RBFOX1: variants seen among roughly 807,000 people sequenced by gnomAD.
RBFOX1 encodes RNA binding protein fox-1 homolog 1.
Under a neutral mutation model 57.7 loss-of-function variants are expected in RBFOX1, and 8 were observed. The observed-to-expected ratio is 0.14, with a 90% CI of 0.08 to 0.25. The LOEUF (loss-of-function observed/expected upper bound fraction) is 0.25. Among genes scored for constraint, RBFOX1 ranks in the 10% least tolerant of loss-of-function variants. The pLI is 1.00. For synonymous variants in RBFOX1, 326 were observed against 222.4 expected (o/e 1.47, Z -4.15); for missense variants, 611 against 548.5 (o/e 1.11, Z -1.14).
chr16:6,738,994 T>C (rs1260069912), intron 3 of RBFOX1, among the ~76,000 whole-genome samples: 1 of 152,154 alleles, frequency 6.6e-6, no homozygotes, highest in African/African-American at 2.4e-5. Context: ...AAGCAGTCAT[T>C]AGAGGGAAAT....
In RBFOX1 at chr16:6,460,044, A is replaced by G. The variant is rs957680815; in HGVS notation, c.-64+142987A>G. On this transcript the variant is annotated intron_variant, in intron 2 of 15. Transcript: ENST00000550418. ...AAAAAAAAAATTCTTGCTCTTTCTC[A>G]TGAATAGCTGCCCAATATTCTGTAA... is the stretch of plus-strand genomic sequence containing the variant. 4.3e-5 allele frequency among the ~76,000 whole-genome samples: 6 copies of G among 141,124 alleles called. No homozygotes were observed. The East Asian group carries it at 1.0e-3, about 24-fold the overall frequency. The allele number at this position is 141,124 out of a possible 152,430, so 92.6% of individuals were successfully genotyped here.
At chr16:7,038,732 C>A (rs999276299) in intron 3 of RBFOX1, among the ~76,000 whole-genome samples, 1 of 152,148 alleles carries the variant, frequency 6.6e-6, no homozygotes, top group African/African-American at 2.4e-5. Flanking sequence ...CACGTGCTGC[C>A]TGGGGCTGCC....
chr16:7,390,004 G>A (rs1343220987), intron 4 of RBFOX1, among the ~76,000 whole-genome samples: 1 of 152,088 alleles, frequency 6.6e-6, no homozygotes, highest in East Asian at 1.9e-4. Context: ...CTCTGCTTCT[G>A]GGGAGGCCTC....
rs541368868 is a variant in RBFOX1 at position 6,693,332 on chromosome 16, C to G, written c.-16+38682C>G. 4.3e-3 allele frequency among the ~76,000 whole-genome samples: 655 copies of G among 151,788 alleles called. 4 individuals carry two copies. Among genetic ancestry groups the G allele is most frequent in the African/African-American group, 0.015 (618 of 41,348 alleles). ...CTACCAACACCACCATCATCACCAT[C>G]ATCCGTCTCCACTAGCATCACCGCC... On this transcript the variant is annotated intron_variant, in intron 3 of 15. Coordinates refer to ENST00000550418, the MANE Select transcript of RBFOX1 (RefSeq NM_018723.4).
chr16:5,615,196 G>T (rs754963141), intron 3 of RBFOX1, among the ~76,000 whole-genome samples: 3 of 152,082 alleles, frequency 2.0e-5, no homozygotes, highest in African/African-American at 7.2e-5. Flanking sequence ...TCCCACATCT[G>T]GCTATCTTCA....
intron 4 of RBFOX1, among the ~76,000 whole-genome samples, chr16:7,076,300 G>T (rs1567169863): frequency 6.6e-6 from 1 of 151,902 alleles, no homozygotes; most frequent in African/African-American, 2.4e-5. Context: ...TCAAAGTGCT[G>T]GGATTTCAGG....
chr16:5,900,764 A>T (rs2058287103), intron 4 of RBFOX1, among the ~76,000 whole-genome samples: 1 of 152,100 alleles, frequency 6.6e-6, no homozygotes, highest in Non-Finnish European at 1.5e-5. Flanking sequence ...TGGTGCCAGG[A>T]ATGTCAAATT....
upstream of RBFOX1, among the ~76,000 whole-genome samples, chr16:6,015,872 T>C (rs1203855471): frequency 1.3e-5 from 2 of 152,216 alleles, no homozygotes; most frequent in Non-Finnish European, 2.9e-5. Context: ...GCATATGCTA[T>C]TGGACTGTAC....
intron 2 of RBFOX1, among the ~76,000 whole-genome samples, chr16:5,522,693 C>A (rs1277885099): frequency 1.3e-5 from 2 of 152,148 alleles, no homozygotes; most frequent in Non-Finnish European, 2.9e-5. Flanking sequence ...TCCCCCTCAC[C>A]CAGACACAAC....
chr16:6,287,334 T>C (rs1209952082), intron 1 of RBFOX1, among the ~76,000 whole-genome samples: 1 of 152,188 alleles, frequency 6.6e-6, no homozygotes, highest in East Asian at 1.9e-4. Context: ...TTGTTCGGAC[T>C]TGAAGTGATC....
chr16:6,477,375 A>C (rs191641510), intron 2 of RBFOX1, among the ~76,000 whole-genome samples: 1 of 152,346 alleles, frequency 6.6e-6, no homozygotes, highest in African/African-American at 2.4e-5. Flanking sequence ...GCAGGAACCT[A>C]TATTGCATTA....
intron 4 of RBFOX1, among the ~76,000 whole-genome samples, chr16:7,455,085 C>G (rs1309068362): frequency 6.6e-6 from 1 of 152,234 alleles, no homozygotes; most frequent in Non-Finnish European, 1.5e-5. Flanking sequence ...GATTCGATAG[C>G]AAACCAGACC....
intron 2 of RBFOX1, among the ~76,000 whole-genome samples, chr16:6,445,399 C>T (rs546047265): frequency 4.6e-5 from 7 of 151,966 alleles, no homozygotes; most frequent in African/African-American, 1.7e-4. Context: ...ATCTAAAGCT[C>T]AGAGAAAAAC....
At chr16:7,597,228 A>C in intron 8 of RBFOX1, 143 bp from the exon 9 acceptor site, 1 of 548,826 alleles carries the variant, frequency 1.8e-6, no homozygotes, top group South Asian at 2.9e-5. Context: ...TTTGTTATGC[A>C]CCTACTGCCT....
chr16:6,793,170 A>C (rs748882252), intron 3 of RBFOX1, among the ~76,000 whole-genome samples: 1 of 152,220 alleles, frequency 6.6e-6, no homozygotes, highest in East Asian at 1.9e-4. Flanking sequence ...AAATTAAAAC[A>C]GATAATATGA....
intron 14 of RBFOX1, among the ~76,000 whole-genome samples, chr16:7,689,572 C>T (rs1333170834): frequency 6.6e-6 from 1 of 151,998 alleles, no homozygotes; most frequent in South Asian, 2.1e-4. Flanking sequence ...GAGTTGAAAC[C>T]CAGGAATCTA....
chr16:7,200,493 A>G (rs938439389), intron 4 of RBFOX1, among the ~76,000 whole-genome samples: 1 of 152,202 alleles, frequency 6.6e-6, no homozygotes, highest in African/African-American at 2.4e-5. Flanking sequence ...GGCACTAAGG[A>G]TGATGTTGCA....
intron 4 of RBFOX1, among the ~76,000 whole-genome samples, chr16:7,357,950 T>A (rs989427241): frequency 6.6e-6 from 1 of 152,204 alleles, no homozygotes; most frequent in Non-Finnish European, 1.5e-5. Flanking sequence ...TTACTGTCTC[T>A]GTCTTAATAG....
intron 1 of RBFOX1, among the ~76,000 whole-genome samples, chr16:5,283,243 G>C (rs779805080): frequency 2.0e-5 from 3 of 152,178 alleles, no homozygotes; most frequent in African/African-American, 7.2e-5. Context: ...TTTGCTGCAG[G>C]GGCAGGGCAC....
Sources: allele counts gnomAD v4.1 joint callset (sites outside exome capture counted in the v4.1 genomes callset), GRCh38; gene constraint gnomAD v4.1.1; transcripts MANE v1.5; gene names NCBI Gene and HGNC (gene_info 2026-07-23, HGNC 2026-07-21).